FMN2: variants seen among roughly 807,000 people sequenced by gnomAD.
FMN2 encodes the protein formin-2.
Under a neutral mutation model 142.3 loss-of-function variants are expected in FMN2, and 51 were observed. The observed-to-expected ratio is 0.36, with a 90% CI of 0.29 to 0.45. The LOEUF (loss-of-function observed/expected upper bound fraction) is 0.45. Among genes scored for constraint, FMN2 ranks in the 20% least tolerant of loss-of-function variants. FMN2 has a pLI of 1.00. For synonymous variants in FMN2, 882 were observed against 869.8 expected (o/e 1.01, Z -0.25); for missense variants, 1,936 against 2,122.8 (o/e 0.91, Z 1.73).
intron 7 of FMN2, among the ~76,000 whole-genome samples, chr1:240,266,599 A>T (rs77134272): frequency 0.013 from 1,905 of 152,002 alleles, 37 homozygotes; most frequent in African/African-American, 0.042. Context: ...TGTTTTCCTT[A>T]TCCAGGCCAC....
intron 8 of FMN2, among the ~76,000 whole-genome samples, chr1:240,325,837 G>C (rs563358184): frequency 5.9e-5 from 9 of 152,322 alleles, no homozygotes; most frequent in African/African-American, 2.2e-4. Flanking sequence ...GCACAAGACG[G>C]CTGTGATGTA....
At chr1:240,372,634 A>G (rs1200604548) in intron 14 of FMN2, among the ~76,000 whole-genome samples, 2 of 150,432 alleles carry the variant, frequency 1.3e-5, no homozygotes, top group East Asian at 2.0e-4. Flanking sequence ...TTGGAGGAAG[A>G]ATTTCTTTTT....
chr1:240,394,745 A>G (rs1167385961), intron 15 of FMN2, among the ~76,000 whole-genome samples: 1 of 152,068 alleles, frequency 6.6e-6, no homozygotes, highest in Non-Finnish European at 1.5e-5. Flanking sequence ...AGACGGGTGA[A>G]TCACCTGAGG....
chr1:240,416,842 G>T (rs1218860483), intron 15 of FMN2, among the ~76,000 whole-genome samples: 2 of 150,292 alleles, frequency 1.3e-5, no homozygotes, highest in African/African-American at 4.9e-5. Context: ...TCTGCATCCT[G>T]TCTCTCCTGG....
intron 6 of FMN2, among the ~76,000 whole-genome samples, chr1:240,255,726 G>A (rs904669990): frequency 6.6e-6 from 1 of 152,114 alleles, no homozygotes; most frequent in Non-Finnish European, 1.5e-5. Flanking sequence ...TGGTGTTGGG[G>A]TGGAACTGAT....
intron 7 of FMN2, among the ~76,000 whole-genome samples, chr1:240,271,216 A>G (rs1205951493): frequency 6.9e-6 from 1 of 145,054 alleles, no homozygotes; most frequent in Non-Finnish European, 1.5e-5. Flanking sequence ...GAAATTTCCT[A>G]TGGAACAAGT....
chr1:240,092,598 G>A lies in FMN2; in HGVS notation c.489G>A (p.Val163=). The A allele has an allele frequency of 6.2e-7, 1 of 1,613,978 alleles. No homozygotes were observed. The highest frequency in any genetic ancestry group is 8.5e-7 in the Non-Finnish European group (1 of 1,179,992). Residue 163 remains valine, a synonymous_variant, in exon 1 of 18, where the codon GTG becomes GTA. Transcript: ENST00000319653. ...RVGGRPIAED[V]ETAAGAQDGQ... The stretch of plus-strand genomic sequence containing the variant: ...GGGGCCGGCCGATCGCCGAGGATGT[G>A]GAAACTGCAGCAGGGGCGCAGGATG...
intron 11 of FMN2, among the ~76,000 whole-genome samples, chr1:240,333,548 TA>T (rs1445943982): frequency 6.6e-6 from 1 of 152,068 alleles, no homozygotes; most frequent in Non-Finnish European, 1.5e-5. Flanking sequence ...TTTTAAAACA[TA>T]AAAAATTATC....
chr1:240,314,110 A>G (rs2102991039), intron 8 of FMN2, among the ~76,000 whole-genome samples: 1 of 152,330 alleles, frequency 6.6e-6, no homozygotes, highest in South Asian at 2.1e-4. Context: ...AGGAAAAAGT[A>G]ATTTTGTTGG....
chr1:240,137,219 T>C (rs1662982016), intron 2 of FMN2, among the ~76,000 whole-genome samples: 1 of 152,134 alleles, frequency 6.6e-6, no homozygotes. Context: ...TGTACTGGAC[T>C]TTGGAAATCT....
intron 6 of FMN2, among the ~76,000 whole-genome samples, chr1:240,255,677 T>C (rs1668430786): frequency 6.6e-6 from 1 of 152,170 alleles, no homozygotes; most frequent in Non-Finnish European, 1.5e-5. Flanking sequence ...GTGGTACCTT[T>C]ATCTCAATAT....
At chr1:240,283,101 G>T (rs1237731158) in intron 7 of FMN2, among the ~76,000 whole-genome samples, 1 of 152,208 alleles carries the variant, frequency 6.6e-6, no homozygotes, top group Non-Finnish European at 1.5e-5. Context: ...TAAAGATTGA[G>T]GGATGATAGT....
intron 6 of FMN2, among the ~76,000 whole-genome samples, chr1:240,213,170 A>G (rs1666759606): frequency 6.6e-6 from 1 of 152,214 alleles, no homozygotes; most frequent in Non-Finnish European, 1.5e-5. Flanking sequence ...GTTGAGCATC[A>G]TCATCTTAAG....
chr1:240,106,619 A>G (rs1661618814), intron 1 of FMN2, among the ~76,000 whole-genome samples: 1 of 152,064 alleles, frequency 6.6e-6, no homozygotes, highest in African/African-American at 2.4e-5. Context: ...TAGTCTCTAC[A>G]TCCTGTTAAA....
intron 1 of FMN2, 102 bp downstream of exon 1, chr1:240,093,826 G>T (rs757296261): frequency 5.2e-6 from 4 of 766,192 alleles, no homozygotes; most frequent in Non-Finnish European, 7.2e-6. Context: ...CGGTGACCTG[G>T]TAGTGGCACA....
intron 8 of FMN2, among the ~76,000 whole-genome samples, chr1:240,315,095 A>G (rs1040780120): frequency 2.0e-5 from 3 of 152,188 alleles, no homozygotes; most frequent in Non-Finnish European, 2.9e-5. Flanking sequence ...ACCTGATGCC[A>G]TAAATGTTCA....
intron 7 of FMN2, among the ~76,000 whole-genome samples, chr1:240,262,220 C>T (rs986791735): frequency 6.6e-6 from 1 of 151,746 alleles, no homozygotes; most frequent in Non-Finnish European, 1.5e-5. Flanking sequence ...CCCCTCCCAC[C>T]GTGAAACTGT....
At chr1:240,274,982 G>T (rs184490508) in intron 7 of FMN2, among the ~76,000 whole-genome samples, 4 of 152,124 alleles carry the variant, frequency 2.6e-5, no homozygotes, top group African/African-American at 4.8e-5. Context: ...GGAGACTACA[G>T]GTGTAGACTT....
chr1:240,440,737 G>T (rs1301406342), intron 16 of FMN2, among the ~76,000 whole-genome samples: 1 of 152,132 alleles, frequency 6.6e-6, no homozygotes, highest in African/African-American at 2.4e-5. Flanking sequence ...TACCCTCTTG[G>T]CAATTGATAA....
Sources: gnomAD v4.1 joint callset for allele counts (sites outside exome capture counted in the v4.1 genomes callset) on GRCh38, gnomAD v4.1.1 for gene constraint, MANE v1.5 for transcripts, NCBI Gene and HGNC (gene_info 2026-07-23, HGNC 2026-07-21) for gene names.